The following IL1RAPL1 variants were observed in gnomAD, a reference collection of about 807,000 sequenced individuals.
IL1RAPL1 encodes interleukin-1 receptor accessory protein-like 1.
A neutral mutation model predicts 48.4 loss-of-function variants in IL1RAPL1; 3 were observed. That is an observed-to-expected ratio of 0.06 (90% CI 0.03 to 0.16). The LOEUF (loss-of-function observed/expected upper bound fraction) is 0.16, where lower values mean the gene tolerates loss of function less well. Ranked by LOEUF, IL1RAPL1 falls within the 10% of genes least tolerant of loss-of-function variation. The probability of loss-of-function intolerance (pLI) is 1.00; values close to 1 mark genes in which losing one functional copy is unlikely to be tolerated. For synonymous variants in IL1RAPL1, 185 were observed against 187.7 expected, an observed-to-expected ratio of 0.99 and a Z score of 0.12; for missense variants, 349 against 530.6, an observed-to-expected ratio of 0.66 and a Z score of 3.36.
intron 6 of IL1RAPL1, among the ~76,000 whole-genome samples, chrX:29,854,045 A>C (rs1601852902): frequency 8.9e-6 from 1 of 111,945 alleles, no homozygotes; most frequent in East Asian, 2.8e-4. Flanking sequence ...TTTTTCCCCA[A>C]ACCCCTCTCT....
intron 5 of IL1RAPL1, among the ~76,000 whole-genome samples, chrX:29,667,982 A>G (rs896445208): frequency 2.7e-5 from 3 of 111,677 alleles, no homozygotes; most frequent in African/African-American, 9.8e-5. Flanking sequence ...GTGATCTAGG[A>G]TATGGAAACT....
At chrX:29,112,865 T>G (rs1362737195) in intron 2 of IL1RAPL1, among the ~76,000 whole-genome samples, 1 of 101,509 alleles carries the variant, frequency 9.9e-6, no homozygotes, top group Non-Finnish European at 2.0e-5. Flanking sequence ...AGTGGCGAGA[T>G]CTCAGCTCAC....
intron 2 of IL1RAPL1, among the ~76,000 whole-genome samples, chrX:29,051,199 G>A (rs544989985): frequency 1.8e-5 from 2 of 111,877 alleles, no homozygotes; most frequent in East Asian, 5.6e-4. Flanking sequence ...TAACAGTGTC[G>A]ATATCTTTGC....
chrX:28,876,201 C>T (rs1156751440), intron 2 of IL1RAPL1, among the ~76,000 whole-genome samples: 2 of 111,740 alleles, frequency 1.8e-5, no homozygotes, highest in Non-Finnish European at 3.8e-5. Flanking sequence ...GGCTGTGTTG[C>T]ATGCTATCCC....
At chrX:29,741,501 G>A (rs998014006) in intron 6 of IL1RAPL1, among the ~76,000 whole-genome samples, 4 of 111,318 alleles carry the variant, frequency 3.6e-5, no homozygotes, top group African/African-American at 1.3e-4. Flanking sequence ...CAGCTATTAC[G>A]AGAGTAAAGC....
At position 28,665,054 on chromosome X, in the gene IL1RAPL1, A is replaced by G. The variant is rs777332245; in HGVS notation, c.-25+77007A>G. On this transcript the variant is annotated intron_variant, in intron 1 of 10. Coordinates refer to ENST00000378993, the MANE Select transcript of IL1RAPL1 (RefSeq NM_014271.4). ...ATGTCCATTGAACTGGACATAGTCA[A>G]ATATTTCCAATAAATTTTTAAAACC... 1.8e-4 allele frequency among the ~76,000 whole-genome samples: 20 copies of G among 112,093 alleles called. 1 individual carries two copies. Among genetic ancestry groups the G allele is most frequent in the Non-Finnish European group, 3.6e-4 (19 of 53,252 alleles).
rs1601900256 is a variant in IL1RAPL1, at chrX:29,955,667, G to A, written c.1938G>A (p.Gln646=). ...GTLPLTSIGN[Q]HTYCNIPMTL... is the part of the protein sequence containing the mutation. ...TGCCTCTTACCTCCATAGGCAATCA[G>A]CATACCTACTGTAACATCCCTATGA... is the stretch of plus-strand genomic sequence containing the variant. The change falls in exon 11 of 11, where the codon CAG becomes CAA. Residue 646 remains glutamine (Q), a synonymous_variant. Transcript: ENST00000378993. 1.7e-6 allele frequency: 2 copies of A among 1,211,508 alleles called. No homozygotes were observed. Among genetic ancestry groups the A allele is most frequent in the Non-Finnish European group, 1.1e-6 (1 of 895,321 alleles).
At chrX:29,416,429 G>A (rs760125205) in intron 5 of IL1RAPL1, among the ~76,000 whole-genome samples, 2 of 110,657 alleles carry the variant, frequency 1.8e-5, no homozygotes, top group Non-Finnish European at 3.8e-5. Context: ...CCAGCTACTC[G>A]GGAAGCCGAG....
intron 2 of IL1RAPL1, among the ~76,000 whole-genome samples, chrX:28,831,870 C>T: frequency 9.0e-6 from 1 of 110,926 alleles, no homozygotes; most frequent in South Asian, 3.7e-4. Context: ...TTTTTGATTA[C>T]TTTGTACTTA....
chrX:29,898,853 G>A (rs1313781930), intron 6 of IL1RAPL1, among the ~76,000 whole-genome samples: 1 of 112,101 alleles, frequency 8.9e-6, no homozygotes, highest in Non-Finnish European at 1.9e-5. Flanking sequence ...AAGATTAAGA[G>A]TGATAGTCAG....
At chrX:29,153,795 A>T (rs2147500312) in intron 2 of IL1RAPL1, among the ~76,000 whole-genome samples, 1 of 112,418 alleles carries the variant, frequency 8.9e-6, no homozygotes, top group East Asian at 2.8e-4. Context: ...TTATATTTGT[A>T]CTTGATTCTA....
chrX:28,710,878 A>G (rs1160584189), intron 1 of IL1RAPL1, among the ~76,000 whole-genome samples: 3 of 112,262 alleles, frequency 2.7e-5, no homozygotes, highest in Non-Finnish European at 3.8e-5. Context: ...CAAATTCTCA[A>G]TAGCCTCAAG....
intron 2 of IL1RAPL1, among the ~76,000 whole-genome samples, chrX:29,124,835 A>T (rs1294714515): frequency 8.9e-6 from 1 of 112,236 alleles, no homozygotes; most frequent in Non-Finnish European, 1.9e-5. Flanking sequence ...TTGGTACTGA[A>T]TAATAATTAG....
At chrX:29,166,041 T>C (rs977233713) in intron 2 of IL1RAPL1, among the ~76,000 whole-genome samples, 1 of 112,934 alleles carries the variant, frequency 8.9e-6, no homozygotes, top group Non-Finnish European at 1.9e-5. Flanking sequence ...ATTGTCTATA[T>C]GTAAAAATAA....
chrX:28,638,719 G>A (rs1478678805), intron 1 of IL1RAPL1, among the ~76,000 whole-genome samples: 1 of 109,366 alleles, frequency 9.1e-6, no homozygotes, highest in Non-Finnish European at 1.9e-5. Context: ...GGATGATCTC[G>A]ATATAGGCAT....
At chrX:28,992,820 T>C (rs1233929446) in intron 2 of IL1RAPL1, among the ~76,000 whole-genome samples, 1 of 112,001 alleles carries the variant, frequency 8.9e-6, no homozygotes, top group Non-Finnish European at 1.9e-5. Context: ...AACTAGATGC[T>C]CAGGAAATCT....
In IL1RAPL1 at chrX:29,639,421, G is replaced by T. The variant is rs190378182; in HGVS notation, c.704-29009G>T. ...TGCATAGTGTGGTGTTTCACAGTTA[G>T]ACCTGACTAGTTATCCTGGCACTTT... On this transcript the variant is annotated intron_variant, in intron 5 of 10. Transcript: ENST00000378993. Among the ~76,000 whole-genome samples, 837 of 110,869 alleles carry T rather than the reference G, an allele frequency of 7.5e-3. 10 individuals carry two copies. Among genetic ancestry groups the T allele is most frequent in the African/African-American group, 0.026 (797 of 30,494 alleles).
chrX:29,106,853 T>G (rs975221889), intron 2 of IL1RAPL1, among the ~76,000 whole-genome samples: 7 of 111,381 alleles, frequency 6.3e-5, no homozygotes, highest in African/African-American at 1.6e-4. Context: ...TGCAATATCT[T>G]TTCTTTGATT....
At chrX:29,023,341 A>T (rs1163831872) in intron 2 of IL1RAPL1, among the ~76,000 whole-genome samples, 1 of 112,393 alleles carries the variant, frequency 8.9e-6, no homozygotes, top group East Asian at 2.8e-4. Context: ...TACATAATGC[A>T]TTATTAGGAT....
Sources: gnomAD v4.1 joint callset for allele counts (sites outside exome capture counted in the v4.1 genomes callset) on GRCh38, gnomAD v4.1.1 for gene constraint, MANE v1.5 for transcripts, NCBI Gene and HGNC (gene_info 2026-07-23, HGNC 2026-07-21) for gene names.